The following ADAMTS16 variants were observed in gnomAD, a reference collection of about 807,000 sequenced individuals.
ADAMTS16 encodes ADAM metallopeptidase with thrombospondin type 1 motif 16, also known as A disintegrin and metalloproteinase with thrombospondin motifs 16.
A neutral mutation model predicts 145.8 loss-of-function variants in ADAMTS16; 94 were observed. The observed-to-expected ratio is 0.64, with a 90% CI of 0.55 to 0.77. The LOEUF is 0.77. Ranked by LOEUF, ADAMTS16 falls within the 30% of genes least tolerant of loss-of-function variation. The probability of loss-of-function intolerance (pLI) is 0.00; values close to 1 mark genes in which losing one functional copy is unlikely to be tolerated. For missense variants in ADAMTS16, 1,585 were observed against 1,591.5 expected (o/e 1.00, Z 0.07); for synonymous variants, 659 against 604.3 (o/e 1.09, Z -1.33).
intron 19 of ADAMTS16, 44 bp downstream of exon 19, chr5:5,303,513 A>C: frequency 6.2e-7 from 1 of 1,608,150 alleles, no homozygotes; most frequent in Non-Finnish European, 8.5e-7. Flanking sequence ...GGGCCCCTGC[A>C]TGATCTGCTG....
intron 3 of ADAMTS16, among the ~76,000 whole-genome samples, chr5:5,178,973 A>G (rs1735267039): frequency 6.6e-6 from 1 of 152,048 alleles, no homozygotes; most frequent in African/African-American, 2.4e-5. Context: ...AAAATTCCTC[A>G]GGGGCTCTCT....
At chr5:5,266,331 C>T (rs938942606) in intron 18 of ADAMTS16, among the ~76,000 whole-genome samples, 13 of 152,062 alleles carry the variant, frequency 8.5e-5, no homozygotes, top group Non-Finnish European at 1.8e-4. Flanking sequence ...GTTGGGACAC[C>T]CCTGAAGAGG....
intron 18 of ADAMTS16, among the ~76,000 whole-genome samples, chr5:5,264,413 A>G (rs1011065113): frequency 6.6e-6 from 1 of 152,174 alleles, no homozygotes; most frequent in African/African-American, 2.4e-5. Flanking sequence ...AAGATAATCT[A>G]ATACATTTTG....
chr5:5,290,845 G>A (rs939823259), intron 18 of ADAMTS16, among the ~76,000 whole-genome samples: 1 of 152,018 alleles, frequency 6.6e-6, no homozygotes, highest in Non-Finnish European at 1.5e-5. Flanking sequence ...GACCTGAAAG[G>A]CCTGTTCTTC....
intron 18 of ADAMTS16, among the ~76,000 whole-genome samples, chr5:5,284,017 T>A (rs1324260467): frequency 6.6e-6 from 1 of 152,258 alleles, no homozygotes; most frequent in Non-Finnish European, 1.5e-5. Context: ...CTAAGTTTAC[T>A]TCTTATTTGA....
chr5:5,212,069 C>A (rs1736283382), intron 10 of ADAMTS16, among the ~76,000 whole-genome samples: 1 of 152,068 alleles, frequency 6.6e-6, no homozygotes, highest in Non-Finnish European at 1.5e-5. Flanking sequence ...TTTCTTACAT[C>A]TTCTGCATCA....
At chr5:5,148,907 C>T (rs922891580) in intron 3 of ADAMTS16, among the ~76,000 whole-genome samples, 7 of 152,162 alleles carry the variant, frequency 4.6e-5, no homozygotes, top group East Asian at 1.9e-4. Flanking sequence ...GATGCCTCTG[C>T]GTGCCTTGCT....
At chr5:5,243,421 G>C (rs1001975868) in intron 17 of ADAMTS16, among the ~76,000 whole-genome samples, 1 of 152,194 alleles carries the variant, frequency 6.6e-6, no homozygotes, top group African/African-American at 2.4e-5. Context: ...TATTTAGAAA[G>C]CAGTGGAACA....
intron 17 of ADAMTS16, among the ~76,000 whole-genome samples, chr5:5,247,308 C>A (rs1737476221): frequency 6.6e-6 from 1 of 152,126 alleles, no homozygotes; most frequent in Non-Finnish European, 1.5e-5. Flanking sequence ...GTCTCCCGTT[C>A]TTTATTCTTT....
chr5:5,280,924 A>G (rs1314755559), intron 18 of ADAMTS16, among the ~76,000 whole-genome samples: 2 of 152,254 alleles, frequency 1.3e-5, no homozygotes, highest in East Asian at 3.8e-4. Context: ...AGGCCCAAGC[A>G]AACCAGCGCA....
intron 16 of ADAMTS16, among the ~76,000 whole-genome samples, chr5:5,241,217 A>G (rs1303730439): frequency 1.3e-5 from 2 of 152,190 alleles, no homozygotes; most frequent in African/African-American, 4.8e-5. Context: ...AGGTGCAGGC[A>G]TGGGATTTAT....
At chr5:5,300,134 G>A (rs935701202) in intron 18 of ADAMTS16, among the ~76,000 whole-genome samples, 4 of 152,156 alleles carry the variant, frequency 2.6e-5, no homozygotes, top group East Asian at 1.9e-4. Context: ...TTAACGAGGC[G>A]GTGTGAAAAG....
At chr5:5,215,120 A>T (rs1188301407) in intron 10 of ADAMTS16, among the ~76,000 whole-genome samples, 2 of 152,228 alleles carry the variant, frequency 1.3e-5, no homozygotes. Flanking sequence ...AAGTGAATAG[A>T]CAATGTAAAT....
chr5:5,140,577 G>GGTCCGGACAGCTGGAGGCGA, intron 1 of ADAMTS16, 38 bp downstream of exon 1: 1 of 1,507,940 alleles, frequency 6.6e-7, no homozygotes, highest in Non-Finnish European at 8.8e-7. Flanking sequence ...GGAAACCGCG[G>GGTCCGGACAGCTGGAGGCGA]GTCCGGACAG....
intron 3 of ADAMTS16, among the ~76,000 whole-genome samples, chr5:5,161,241 A>G (rs868189771): frequency 6.6e-6 from 1 of 152,218 alleles, no homozygotes; most frequent in Non-Finnish European, 1.5e-5. Context: ...TTATTTGGCA[A>G]TTATTCACAG....
At position 5,215,171 on chromosome 5, in the gene ADAMTS16, A is replaced by T. The variant is rs115534569; in HGVS notation, c.1605+5925A>T. The stretch of plus-strand genomic sequence containing the variant: ...TTTTGTATATGTGAATGTATATTTG[A>T]TGTGTATGTATGTTTACATACTTAT... On this transcript the variant is annotated intron_variant, in intron 10 of 22. Coordinates refer to ENST00000274181, the MANE Select transcript of ADAMTS16 (RefSeq NM_139056.4). 4.6e-3 allele frequency among the ~76,000 whole-genome samples: 697 copies of T among 152,356 alleles called. 6 individuals are homozygous for T. Among genetic ancestry groups the T allele is most frequent in the African/African-American group, 0.016 (668 of 41,586 alleles).
chr5:5,309,983 A>T (rs1740355225), intron 21 of ADAMTS16, among the ~76,000 whole-genome samples: 1 of 151,996 alleles, frequency 6.6e-6, no homozygotes, highest in Non-Finnish European at 1.5e-5. Context: ...AACCAATTTG[A>T]TTGGGTTTTT....
chr5:5,245,903 G>A (rs1374723629), intron 17 of ADAMTS16, among the ~76,000 whole-genome samples: 1 of 151,924 alleles, frequency 6.6e-6, no homozygotes, highest in African/African-American at 2.4e-5. Context: ...TAATTTCAAT[G>A]TTCCTGCTTC....
intron 10 of ADAMTS16, among the ~76,000 whole-genome samples, chr5:5,220,320 T>C (rs6862931): frequency 0.68 from 100,203 of 148,278 alleles, 34,220 homozygotes; most frequent in East Asian, 0.88. Flanking sequence ...CCACCACGCC[T>C]GGCTAATTTT....
Sources: gnomAD v4.1 joint callset for allele counts (sites outside exome capture counted in the v4.1 genomes callset) on GRCh38, gnomAD v4.1.1 for gene constraint, MANE v1.5 for transcripts, NCBI Gene and HGNC (gene_info 2026-07-23, HGNC 2026-07-21) for gene names.